The following DDX3X variants were observed in gnomAD, a reference collection of about 807,000 sequenced individuals.
DDX3X encodes ATP-dependent RNA helicase DDX3X.
Under a neutral mutation model 52.7 loss-of-function variants are expected in DDX3X, and 4 were observed. That is an observed-to-expected ratio of 0.08 (90% confidence interval 0.04 to 0.17). The LOEUF is 0.17. DDX3X is among the 10% of genes least tolerant of loss of function. The pLI, the probability that DDX3X is intolerant of heterozygous loss-of-function variation, is 1.00. For missense variants in DDX3X, 222 were observed against 548.6 expected, an observed-to-expected ratio of 0.40 and a Z score of 5.95; for synonymous variants, 192 against 178.1, an observed-to-expected ratio of 1.08 and a Z score of -0.62.
chrX:41,351,036 G>GCCAT (rs1288202990), downstream of DDX3X: 1 of 111,826 alleles, frequency 8.9e-6, no homozygotes, highest in Non-Finnish European at 1.9e-5. Context: ...TTGACACATG[G>GCCAT]CCATATGTAT....
chrX:41,338,120 G>C (rs952217319), intron 2 of DDX3X: 2 of 110,263 alleles, frequency 1.8e-5, no homozygotes, highest in Non-Finnish European at 3.8e-5. Flanking sequence ...TCTAAGGGGG[G>C]TTATTTAGAG....
At chrX:41,357,673 C>T (rs1442481992) in intron 5 of DDX3X, among the ~76,000 whole-genome samples, 1 of 109,848 alleles carries the variant, frequency 9.1e-6, no homozygotes, top group Non-Finnish European at 1.9e-5. Flanking sequence ...TGAGCTCAGG[C>T]GATCCTACCA....
At chrX:41,351,168 C>T (rs1221878769), downstream of DDX3X, 1 of 111,460 alleles carries the variant, frequency 9.0e-6, no homozygotes, top group Non-Finnish European at 1.9e-5. Context: ...TGAAACGATG[C>T]TAAGGAGAGT....
chrX:41,343,415 T>C, intron 7 of DDX3X, 64 bp downstream of exon 7: 2 of 1,023,562 alleles, frequency 2.0e-6, no homozygotes, highest in African/African-American at 1.9e-5. Context: ...CAATAAAATA[T>C]TTTATTTTTT....
rs2063849764 is a variant in DDX3X at position 41,341,488 on chromosome X, C to T, written c.156C>T (p.Phe52=). The T allele has an allele frequency of 8.4e-7, 1 of 1,197,507 alleles. No individual in the cohort carries two copies. Among genetic ancestry groups the T allele is most frequent in the Non-Finnish European group, 1.1e-6 (1 of 886,554 alleles). The part of the protein sequence containing the change: ...HLRNREATKG[F]YDKDSSGWSS... Reference sequence around the variant, plus strand: ...TTTGTGCTTTTTTAATCAAAGGTTTCTACGATAAAGACAGTTCAGGGTGGA... The same window carrying T: ...TTTGTGCTTTTTTAATCAAAGGTTTTTACGATAAAGACAGTTCAGGGTGGA... Residue 52 remains phenylalanine (F), a synonymous_variant, in exon 4 of 17, where the codon TTC becomes TTT. Transcript: ENST00000644876.
downstream of DDX3X, chrX:41,351,355 C>T (rs764361925): frequency 8.9e-6 from 1 of 112,152 alleles, no homozygotes; most frequent in Non-Finnish European, 1.9e-5. Flanking sequence ...GCAGTTGTCA[C>T]TCTTGGGCAC....
Position 41,347,210 on chromosome X carries a change from A to C in DDX3X, c.1770-102A>C, listed in dbSNP as rs2063937468. ...TGGGGAAAATATGGCTGGATGGGGA[A>C]TTGTTTGAATGGAAAAATTAGAAAT... is the stretch of plus-strand genomic sequence containing the variant. On this transcript the variant is annotated intron_variant, in intron 15 of 16. Transcript: ENST00000644876. 5 of 1,009,481 alleles carry C rather than the reference A, an allele frequency of 5.0e-6. No individual in the cohort carries two copies. In the South Asian group the frequency reaches 1.1e-4, roughly 23 times the overall value. 83.2% of individuals were successfully genotyped at this position (1,009,481 alleles called of 1,213,427 possible).
At chrX:41,337,758 C>T (rs2063792899) in intron 2 of DDX3X, 1 of 189,067 alleles carries the variant, frequency 5.3e-6, no homozygotes, top group South Asian at 1.7e-4. Context: ...GATTCTCCTG[C>T]CTCAGCCTCC....
chrX:41,334,048 C>T (rs768909299), upstream of DDX3X: 1 of 432,514 alleles, frequency 2.3e-6, no homozygotes, highest in East Asian at 3.9e-5. Context: ...AGTAGCCGGG[C>T]AGAAGTCGCC....
In DDX3X at chrX:41,349,858, A is replaced by G. The variant is rs1341527904; in HGVS notation, c.*2139A>G. 1 of 109,837 alleles carries G rather than the reference A, an allele frequency of 9.1e-6. No homozygotes were observed. The highest frequency in any genetic ancestry group is 3.3e-5 in the African/African-American group (1 of 30,155). The allele number at this position is 109,837 out of a possible 1,213,427, so 9.1% of individuals were successfully genotyped here. A position where few individuals can be genotyped will look rare whatever the true frequency, so the allele number is the denominator to read the frequency against. On this transcript the variant is annotated 3_prime_UTR_variant, in exon 17 of 17. Transcript: ENST00000644876. ...TTCAAAACACTGATGTGAAGTGTCC[A>G]GATTCTCAGATGTTTGTTGTGTGGA...
At chrX:41,345,728 T>G (rs1042786396) in intron 12 of DDX3X, 180 bp downstream of exon 12, 12 of 421,500 alleles carry the variant, frequency 2.8e-5, no homozygotes, top group Non-Finnish European at 4.8e-5. Flanking sequence ...GCTCCCTTGC[T>G]TCCGGGAGGT....
At chrX:41,350,724 C>G (rs970947391), downstream of DDX3X, 1 of 111,360 alleles carries the variant, frequency 9.0e-6, no homozygotes, top group African/African-American at 3.3e-5. Context: ...CCCACGAGTT[C>G]AAGTCCAGCC....
At chrX:41,363,143 T>G (rs1049709708) in intron 5 of DDX3X, among the ~76,000 whole-genome samples, 1 of 112,091 alleles carries the variant, frequency 8.9e-6, no homozygotes, top group African/African-American at 3.2e-5. Flanking sequence ...AGCCACTTGA[T>G]GACTGAGTGC....
intron 2 of DDX3X, chrX:41,338,235 G>C (rs1467656585): frequency 9.0e-6 from 1 of 110,985 alleles, no homozygotes; most frequent in Non-Finnish European, 1.9e-5. Context: ...TAAAACAAAA[G>C]TGAGTATGGG....
intron 1 of DDX3X, chrX:41,334,539 C>T: frequency 1.8e-6 from 2 of 1,093,231 alleles, no homozygotes; most frequent in Non-Finnish European, 2.4e-6. Context: ...TTTGTGTGTG[C>T]GTGCGCAGGC....
chrX:41,341,084 C>G (rs982839033), intron 3 of DDX3X: 23 of 178,609 alleles, frequency 1.3e-4, no homozygotes, highest in Non-Finnish European at 2.0e-4. Flanking sequence ...CTCCCGGGTT[C>G]AAGTGATTCT....
At chrX:41,351,848 C>CT (rs746198181), downstream of DDX3X, among the ~76,000 whole-genome samples, 3 of 109,580 alleles carry the variant, frequency 2.7e-5, no homozygotes, top group Non-Finnish European at 3.8e-5. Context: ...TGAGAAAGGA[C>CT]TTTTTTTTGA....
chrX:41,358,022 G>A (rs2064015662), intron 5 of DDX3X: 1 of 168,380 alleles, frequency 5.9e-6, no homozygotes, highest in East Asian at 1.1e-4. Context: ...TAGTCTGTAA[G>A]CACCTTTTGG....
intron 5 of DDX3X, chrX:41,357,979 T>G (rs2064015513): frequency 3.9e-6 from 1 of 253,998 alleles, no homozygotes; most frequent in African/African-American, 3.0e-5. Context: ...AAGACAACCA[T>G]AACTCATGCA....
Sources: gnomAD v4.1 joint callset for allele counts (sites outside exome capture counted in the v4.1 genomes callset) on GRCh38, gnomAD v4.1.1 for gene constraint, MANE v1.5 for transcripts, NCBI Gene and HGNC (gene_info 2026-07-23, HGNC 2026-07-21) for gene names.